SLC24A5: variants seen among roughly 807,000 people sequenced by gnomAD.
SLC24A5 encodes sodium/potassium/calcium exchanger 5.
In SLC24A5, 46 loss-of-function variants were observed where a neutral mutation model predicts 51.6. The observed-to-expected ratio is 0.89, with a 90% CI of 0.70 to 1.14. The LOEUF (loss-of-function observed/expected upper bound fraction) is 1.14, where lower values mean the gene tolerates loss of function less well. Ranked by LOEUF, SLC24A5 falls within the 50% of genes most tolerant of loss-of-function variation. SLC24A5 has a pLI of 0.00. For missense variants in SLC24A5, 581 were observed against 604.1 expected, an observed-to-expected ratio of 0.96 and a Z score of 0.40; for synonymous variants, 230 against 214.9, an observed-to-expected ratio of 1.07 and a Z score of -0.62.
chr15:48,127,840 A>AAATT (rs1287833829), intron 2 of SLC24A5, among the ~76,000 whole-genome samples: 6 of 152,058 alleles, frequency 3.9e-5, no homozygotes, highest in Non-Finnish European at 8.8e-5. Flanking sequence ...ATAAATAAAT[A>AAATT]AAAATTAAAA....
chr15:48,142,057 C>T lies in SLC24A5; in HGVS notation c.1209C>T (p.Ile403=), dbSNP rs780825118. 142 of 1,612,526 alleles carry T rather than the reference C, an allele frequency of 8.8e-5. No individual in the cohort carries two copies. The highest frequency in any genetic ancestry group is 1.7e-4 in the Admixed American group (10 of 59,928). Residue 403 remains isoleucine, a synonymous_variant, in exon 9 of 9, where the codon ATC becomes ATT. Transcript: ENST00000341459. Reference sequence around the variant, plus strand: ...AAGGAGATATGGCTATGTCTAACATCGTGGGATCCAATGTGTTTGATATGT... The same window carrying T: ...AAGGAGATATGGCTATGTCTAACATTGTGGGATCCAATGTGTTTGATATGT... ...KGKGDMAMSN[I]VGSNVFDMLC... is the part of the protein sequence containing the mutation.
intron 2 of SLC24A5, chr15:48,123,468 A>C (rs1244723702): frequency 6.6e-6 from 1 of 151,958 alleles, no homozygotes; most frequent in Non-Finnish European, 1.5e-5. Flanking sequence ...TATAGTGCAC[A>C]TTTTCCAATA....
At position 48,121,028 on chromosome 15, in the gene SLC24A5, G is replaced by T; in HGVS notation, c.-17G>T. On this transcript the variant is annotated 5_prime_UTR_variant, in exon 1 of 9. Coordinates refer to ENST00000341459, the MANE Select transcript of SLC24A5 (RefSeq NM_205850.3). ...TCCCTTCCTGAAGCTGCACGCTGCAGTAAGAGCACAGCAGAAATGCAGACA... is the reference window on the plus strand; with the variant it reads ...TCCCTTCCTGAAGCTGCACGCTGCATTAAGAGCACAGCAGAAATGCAGACA... 1 of 1,611,894 alleles carries T rather than the reference G, an allele frequency of 6.2e-7. No individual in the cohort carries two copies. The highest frequency in any genetic ancestry group is 1.1e-5 in the South Asian group (1 of 90,730).
chr15:48,138,098 C>T (rs533622527), intron 6 of SLC24A5: 31 of 151,964 alleles, frequency 2.0e-4, no homozygotes, highest in Middle Eastern at 6.8e-3. Flanking sequence ...TAATAAGAAA[C>T]GCAAAAGAAC....
At position 48,136,696 on chromosome 15, in the gene SLC24A5, T is replaced by A. The variant is rs1241925443; in HGVS notation, c.604T>A (p.Leu202Ile). Residue 202 changes from leucine (L) to isoleucine (I), a missense_variant, in exon 6 of 9, where the codon TTA becomes ATA. Leu to Ile is a conservative substitution (Grantham distance 5). Transcript: ENST00000341459. Reference protein sequence around the residue: ...DNQVYWYEGALLLLIYGLYVL... With the variant: ...DNQVYWYEGAILLLIYGLYVL... ...TCTCTTTTGTAGGTATGAAGGGGCT[T>A]TACTGCTTTTGATATATGGATTGTA... 1 of 1,607,574 alleles carries A rather than the reference T, an allele frequency of 6.2e-7. No individual in the cohort carries two copies. The highest frequency in any genetic ancestry group is 1.1e-5 in the South Asian group (1 of 90,138).
intron 2 of SLC24A5, among the ~76,000 whole-genome samples, chr15:48,126,531 G>A (rs557873555): frequency 8.1e-4 from 124 of 152,266 alleles, no homozygotes; most frequent in Non-Finnish European, 1.3e-3. Flanking sequence ...GGAGATTCTG[G>A]GAAAAGAGTT....
intron 2 of SLC24A5, among the ~76,000 whole-genome samples, chr15:48,133,566 T>A (rs953415981): frequency 6.6e-6 from 1 of 152,116 alleles, no homozygotes; most frequent in African/African-American, 2.4e-5. Flanking sequence ...TTTTAATAGA[T>A]CCATGTTTTA....
chr15:48,124,873 C>T (rs1326811710), intron 2 of SLC24A5, among the ~76,000 whole-genome samples: 1 of 152,182 alleles, frequency 6.6e-6, no homozygotes, highest in Non-Finnish European at 1.5e-5. Flanking sequence ...AATTGACCCT[C>T]ATCTTGAGTA....
intron 2 of SLC24A5, among the ~76,000 whole-genome samples, chr15:48,129,943 G>GT (rs2038772385): frequency 6.6e-6 from 1 of 152,032 alleles, no homozygotes; most frequent in African/African-American, 2.4e-5. Context: ...CCAGGTCTCA[G>GT]TTTTAGTTTA....
chr15:48,121,741 G>A (rs773133452), intron 1 of SLC24A5, 116 bp from the exon 2 acceptor site: 1 of 1,045,330 alleles, frequency 9.6e-7, no homozygotes, highest in Non-Finnish European at 1.4e-6. Flanking sequence ...TTTTCAGTGG[G>A]TCCTTAAAAT....
At chr15:48,136,598 A>G (rs767215449) in intron 5 of SLC24A5, 85 bp from the exon 6 acceptor site, 47 of 1,272,984 alleles carry the variant, frequency 3.7e-5, no homozygotes, top group Non-Finnish European at 5.0e-5. Context: ...TTGTTAGAAA[A>G]TCATTCAATA....
intron 8 of SLC24A5, 104 bp from the exon 9 acceptor site, chr15:48,141,925 C>A: frequency 2.3e-6 from 2 of 885,202 alleles, no homozygotes; most frequent in Non-Finnish European, 3.3e-6. Context: ...TTTTTCAAAA[C>A]GAATCAACAA....
intron 2 of SLC24A5, among the ~76,000 whole-genome samples, chr15:48,127,230 C>T (rs1482736519): frequency 6.6e-6 from 1 of 152,142 alleles, no homozygotes; most frequent in African/African-American, 2.4e-5. Flanking sequence ...TACACAAGTA[C>T]CTAGCACATA....
intron 2 of SLC24A5, among the ~76,000 whole-genome samples, chr15:48,125,129 C>A (rs996733365): frequency 8.5e-5 from 13 of 152,068 alleles, no homozygotes; most frequent in African/African-American, 2.7e-4. Context: ...ATAGTTCCAC[C>A]CATTTTGTCA....
At position 48,136,835 on chromosome 15, in the gene SLC24A5, T is replaced by C; in HGVS notation, c.743T>C (p.Met248Thr). 3 of 1,613,860 alleles carry C rather than the reference T, an allele frequency of 1.9e-6. No individual in the cohort carries two copies. Among genetic ancestry groups the C allele is most frequent in the South Asian group, 1.1e-5 (1 of 91,064 alleles). The change falls in exon 6 of 9, where the codon ATG becomes ACG. Residue 248 changes from methionine (M) to threonine (T), a missense_variant. Met to Thr is a moderately conservative substitution (Grantham distance 81). Transcript: ENST00000341459. The part of the protein sequence containing the change: ...AMERSEQQPL[M>T]GWEDEGQPFI... ...GAGAGAAGTGAACAACAGCCACTGA[T>C]GGGCTGGGAAGATGAAGGTCAACCA...
At chr15:48,121,426 A>T (rs1228419188) in intron 1 of SLC24A5, among the ~76,000 whole-genome samples, 1 of 152,218 alleles carries the variant, frequency 6.6e-6, no homozygotes, top group African/African-American at 2.4e-5. Context: ...AAAACAAAAA[A>T]TCTTTCATCT....
intron 2 of SLC24A5, among the ~76,000 whole-genome samples, chr15:48,132,583 A>G (rs1440947378): frequency 2.0e-5 from 3 of 152,124 alleles, no homozygotes; most frequent in Non-Finnish European, 4.4e-5. Context: ...AAAAACAACA[A>G]TTACTTTCAC....
At position 48,134,173 on chromosome 15, in the gene SLC24A5, G is replaced by A. The variant is rs1387737382; in HGVS notation, c.302-85G>A. 8 of 1,106,166 alleles carry A rather than the reference G, an allele frequency of 7.2e-6. No individual in the cohort carries two copies. The Admixed American group carries it at 1.3e-4, about 18-fold the overall frequency. 68.5% of individuals were successfully genotyped at this position (1,106,166 alleles called of 1,614,324 possible). ...TTTAATAGTGGTTTTATGTGAAGCT[G>A]TAGCTTTGAGTATCTATTGTGTTTA... is the stretch of plus-strand genomic sequence containing the variant. On this transcript the variant is annotated intron_variant, in intron 2 of 8. Coordinates refer to ENST00000341459, the MANE Select transcript of SLC24A5 (RefSeq NM_205850.3).
Position 48,134,538 on chromosome 15 carries a change from G to A in SLC24A5, c.489G>A (p.Thr163=), listed in dbSNP as rs572070402. ...ICAACGLLSN[T]VSTLSCWPLF... ...CTGCCTGTGGTTTGCTATCTAATACGGTATGTAACAAAACCATTCAACAAA... is the reference window on the plus strand; with the variant it reads ...CTGCCTGTGGTTTGCTATCTAATACAGTATGTAACAAAACCATTCAACAAA... The change falls in exon 4 of 9, where the codon ACG becomes ACA. Residue 163 remains threonine, a splice_region_variant and synonymous_variant. Coordinates refer to ENST00000341459, the MANE Select transcript of SLC24A5 (RefSeq NM_205850.3). The A allele has an allele frequency of 6.2e-6, 10 of 1,605,982 alleles. No homozygotes were observed. Among genetic ancestry groups the A allele is most frequent in the African/African-American group, 2.7e-5 (2 of 74,680 alleles).
Sources: gnomAD v4.1 joint callset for allele counts (sites outside exome capture counted in the v4.1 genomes callset) on GRCh38, gnomAD v4.1.1 for gene constraint, MANE v1.5 for transcripts, NCBI Gene and HGNC (gene_info 2026-07-23, HGNC 2026-07-21) for gene names.